Variants in TFDP2 observed in about 807,000 individuals in gnomAD.
TFDP2 encodes transcription factor Dp-2.
In TFDP2, 17 loss-of-function variants were observed where a neutral mutation model predicts 59.3. The ratio of observed to expected loss-of-function variants is 0.29; its 90% CI spans 0.20 to 0.43. The LOEUF is 0.43. Ranked by LOEUF, TFDP2 falls within the 20% of genes least tolerant of loss-of-function variation. The pLI is 1.00. For missense variants in TFDP2, 391 were observed against 528.8 expected (o/e 0.74, Z 2.56); for synonymous variants, 180 against 194.7 (o/e 0.92, Z 0.63).
intron 11 of TFDP2, among the ~76,000 whole-genome samples, chr3:141,954,312 T>C (rs991211314): frequency 4.6e-5 from 7 of 152,152 alleles, no homozygotes; most frequent in African/African-American, 1.7e-4. Flanking sequence ...CCATCTACAG[T>C]GTTAGCTCAA....
intron 3 of TFDP2, among the ~76,000 whole-genome samples, chr3:142,056,100 C>T (rs1015683734): frequency 6.6e-6 from 1 of 151,240 alleles, no homozygotes; most frequent in Admixed American, 6.6e-5. Flanking sequence ...ATTACAGGTA[C>T]GCGCCACCAC....
chr3:142,148,032 A>G (rs78466878), intron 1 of TFDP2, among the ~76,000 whole-genome samples: 1,834 of 152,174 alleles, frequency 0.012, 41 homozygotes, highest in African/African-American at 0.042. Context: ...ATAGATGAAT[A>G]TATATTCACG....
In TFDP2 at chr3:142,128,380, T is replaced by C. The variant is rs140438928; in HGVS notation, c.-93+20803A>G. 3.8e-3 allele frequency among the ~76,000 whole-genome samples: 577 copies of C among 152,288 alleles called. 5 individuals carry two copies. The highest frequency in any genetic ancestry group is 0.013 in the African/African-American group (554 of 41,556). The stretch of plus-strand genomic sequence containing the variant: ...CCTCAGGCCTCTTCCCCAAACCAGC[T>C]TCCAGAACGCAAAACAATCGGCCTG... On this transcript the variant is annotated intron_variant, in intron 1 of 12. Coordinates refer to ENST00000489671, the MANE Select transcript of TFDP2 (RefSeq NM_001178139.2).
intron 5 of TFDP2, chr3:141,994,199 A>G (rs933873000): frequency 1.3e-5 from 2 of 152,230 alleles, no homozygotes; most frequent in African/African-American, 4.8e-5. Flanking sequence ...GTATTTATGT[A>G]TATTAATATG....
chr3:142,085,136 G>A (rs1261696673), intron 3 of TFDP2, among the ~76,000 whole-genome samples: 1 of 152,142 alleles, frequency 6.6e-6, no homozygotes, highest in African/African-American at 2.4e-5. Context: ...GGCCAGGCTG[G>A]TCTCAGACTC....
At chr3:142,083,345 G>A (rs1437482415) in intron 3 of TFDP2, among the ~76,000 whole-genome samples, 10 of 152,000 alleles carry the variant, frequency 6.6e-5, no homozygotes, top group Non-Finnish European at 1.2e-4. Flanking sequence ...ACTGATGAAA[G>A]AAATTAAAGA....
intron 2 of TFDP2, among the ~76,000 whole-genome samples, chr3:142,095,723 T>C (rs2108628266): frequency 6.6e-6 from 1 of 152,344 alleles, no homozygotes; most frequent in African/African-American, 2.4e-5. Flanking sequence ...CTTGTTGATT[T>C]GTTGAAGAGT....
chr3:141,966,322 G>A (rs577052451), intron 9 of TFDP2, among the ~76,000 whole-genome samples: 11 of 151,744 alleles, frequency 7.2e-5, no homozygotes, highest in African/African-American at 2.4e-4. Flanking sequence ...ACAGGCACCC[G>A]CCACCATGCC....
chr3:142,096,684 A>G (rs2061173575), intron 2 of TFDP2, among the ~76,000 whole-genome samples: 1 of 152,222 alleles, frequency 6.6e-6, no homozygotes, highest in Non-Finnish European at 1.5e-5. Context: ...ATTTTTAAGA[A>G]TCAGATCATA....
intron 3 of TFDP2, among the ~76,000 whole-genome samples, chr3:142,027,511 C>T (rs926968916): frequency 4.6e-5 from 7 of 151,932 alleles, no homozygotes; most frequent in Admixed American, 2.6e-4. Flanking sequence ...TCTCCCACTC[C>T]CGCTCCCCAC....
intron 3 of TFDP2, among the ~76,000 whole-genome samples, chr3:142,023,052 G>A (rs1215256100): frequency 3.8e-4 from 56 of 147,874 alleles, no homozygotes; most frequent in Non-Finnish European, 8.9e-5. Context: ...CCCGGGAGGC[G>A]GAGGTTGCAG....
chr3:141,998,596 G>A (rs1943495320), intron 4 of TFDP2, among the ~76,000 whole-genome samples: 1 of 152,124 alleles, frequency 6.6e-6, no homozygotes, highest in South Asian at 2.1e-4. Flanking sequence ...TCCAGCCTAG[G>A]TGACAGAGCG....
At chr3:141,973,119 ATATATTT>A (rs1267477402) in intron 8 of TFDP2, among the ~76,000 whole-genome samples, 32 of 74,864 alleles carry the variant, frequency 4.3e-4, no homozygotes, top group Non-Finnish European at 6.0e-4. Flanking sequence ...ATATATATAT[ATATATTT>A]TTTTTTTTTA....
At chr3:142,030,802 G>A (rs940695702) in intron 3 of TFDP2, among the ~76,000 whole-genome samples, 2 of 146,094 alleles carry the variant, frequency 1.4e-5, no homozygotes, top group African/African-American at 5.2e-5. Flanking sequence ...GAGTGCAGTG[G>A]CGCGATCTCG....
At chr3:141,987,357 A>G (rs1006711320) in intron 6 of TFDP2, among the ~76,000 whole-genome samples, 1 of 149,208 alleles carries the variant, frequency 6.7e-6, no homozygotes, top group Admixed American at 6.7e-5. Context: ...ATCTCTGCTC[A>G]CTGCAGCCTC....
At chr3:142,039,902 C>T (rs980662779) in intron 3 of TFDP2, among the ~76,000 whole-genome samples, 3 of 152,134 alleles carry the variant, frequency 2.0e-5, no homozygotes, top group Non-Finnish European at 4.4e-5. Flanking sequence ...CAGGTAACAG[C>T]AGCCCAAGTA....
chr3:142,006,904 G>A (rs1944264374), intron 3 of TFDP2, among the ~76,000 whole-genome samples: 1 of 152,088 alleles, frequency 6.6e-6, no homozygotes, highest in South Asian at 2.1e-4. Flanking sequence ...AGCCTCCTGG[G>A]TAGCTGGAAC....
chr3:141,956,944 C>CA (rs533478891), intron 11 of TFDP2, among the ~76,000 whole-genome samples: 3 of 141,188 alleles, frequency 2.1e-5, no homozygotes, highest in African/African-American at 5.0e-5. Flanking sequence ...TGCCCCACCC[C>CA]CCCCACAAAA....
At chr3:142,079,828 CTT>C (rs1487345752) in intron 3 of TFDP2, among the ~76,000 whole-genome samples, 2 of 152,156 alleles carry the variant, frequency 1.3e-5, no homozygotes, top group African/African-American at 4.8e-5. Flanking sequence ...GAAATAAAGA[CTT>C]TCCCAGACAA....
Sources: allele counts gnomAD v4.1 joint callset (sites outside exome capture counted in the v4.1 genomes callset), GRCh38; gene constraint gnomAD v4.1.1; transcripts MANE v1.5; gene names NCBI Gene and HGNC (gene_info 2026-07-23, HGNC 2026-07-21).